HAUS6: variants seen among roughly 807,000 people sequenced by gnomAD.
HAUS6 encodes the protein HAUS augmin like complex subunit 6.
Under a neutral mutation model 106.8 loss-of-function variants are expected in HAUS6, and 80 were observed. That is an observed-to-expected ratio of 0.75 (90% CI 0.63 to 0.90). The LOEUF (loss-of-function observed/expected upper bound fraction) is 0.90. Ranked by LOEUF, HAUS6 falls within the 40% of genes least tolerant of loss-of-function variation. HAUS6 has a pLI of 0.00. For synonymous variants in HAUS6, 356 were observed against 379.1 expected (o/e 0.94, Z 0.71); for missense variants, 1,155 against 1,118.1 (o/e 1.03, Z -0.47).
At chr9:19,066,209 T>G (rs1836757859) in intron 12 of HAUS6, among the ~76,000 whole-genome samples, 1 of 152,030 alleles carries the variant, frequency 6.6e-6, no homozygotes, top group Non-Finnish European at 1.5e-5. Context: ...GTGCTGGGAT[T>G]ACAGGCATGA....
At chr9:19,061,119 G>A (rs1836607721) in intron 14 of HAUS6, among the ~76,000 whole-genome samples, 1 of 152,192 alleles carries the variant, frequency 6.6e-6, no homozygotes, top group African/African-American at 2.4e-5. Context: ...AGCCAAGATC[G>A]TGCCATTGCA....
rs528514229 is a variant in HAUS6, at chr9:19,056,350, G to A, written c.2861C>T (p.Thr954Ile). 1.3e-5 allele frequency: 19 copies of A among 1,461,198 alleles called. No individual in the cohort carries two copies. In the East Asian group the frequency reaches 3.2e-4, roughly 24 times the overall value. The allele number at this position is 1,461,198 out of a possible 1,614,324, so 90.5% of individuals were successfully genotyped here. Reference sequence around the variant, plus strand: ...TATTAAATGGGTACGTCTTCATCTTGTCAAGTCAGACGGTGGTTCTTTTGC... The same window carrying A: ...TATTAAATGGGTACGTCTTCATCTTATCAAGTCAGACGGTGGTTCTTTTGC... Reference protein sequence around the residue: ...LDAKEPPSDLTR With the variant: ...LDAKEPPSDLIR The change falls in exon 17 of 17, where the codon ACA becomes ATA. Residue 954 changes from threonine to isoleucine, a missense_variant. Thr to Ile is a moderately conservative substitution (Grantham distance 89, BLOSUM62 -1). This residue lies in a region of HAUS6 where 380 missense variants were observed against 394.8 expected (regional missense o/e 0.96). Coordinates refer to ENST00000380502, the MANE Select transcript of HAUS6 (RefSeq NM_017645.5).
Position 19,058,296 on chromosome 9 carries a change from G to A in HAUS6, c.2471C>T (p.Pro824Leu). The A allele has an allele frequency of 1.2e-6, 2 of 1,612,924 alleles. No homozygotes were observed. The highest frequency in any genetic ancestry group is 1.7e-6 in the Non-Finnish European group (2 of 1,178,994). Residue 824 changes from proline (P) to leucine (L), a missense_variant, in exon 16 of 17, where the codon CCA (proline) becomes CTA (leucine). Physicochemically the swap from Pro to Leu is moderately conservative, Grantham distance 98. Around this residue, in one of 3 missense-constraint regions of HAUS6, gnomAD observed 380 missense variants for 394.8 expected, o/e 0.96. Coordinates refer to ENST00000380502, the MANE Select transcript of HAUS6 (RefSeq NM_017645.5). The part of the protein sequence containing the change: ...EDVVGGRQTT[P>L]ESDFNLQALR... ...AGCCTGTAAATTAAAGTCTGATTCTGGAGTAGTCTGTCTCCCTCCCACAAC... is the reference window on the plus strand; with the variant it reads ...AGCCTGTAAATTAAAGTCTGATTCTAGAGTAGTCTGTCTCCCTCCCACAAC...
intron 7 of HAUS6, among the ~76,000 whole-genome samples, chr9:19,086,360 C>A (rs1468360114): frequency 6.6e-6 from 1 of 151,720 alleles, no homozygotes; most frequent in African/African-American, 2.4e-5. Context: ...GTGGCTCATG[C>A]CTGTAATCCC....
rs1836512856 is a variant in HAUS6 at position 19,058,033 on chromosome 9, T to TA, written c.2733dup (p.Lys912Ter). On this transcript the variant is annotated frameshift_variant, in exon 16 of 17. Coordinates refer to ENST00000380502, the MANE Select transcript of HAUS6 (RefSeq NM_017645.5). LOFTEE classifies it high-confidence loss of function. Reference sequence around the variant, plus strand: ...AATCTTTGTTCCACTGGAGAAAACTTAATTAGTGGTGAAAGAGACCGTTTT... The same window carrying TA: ...AATCTTTGTTCCACTGGAGAAAACTTAAATTAGTGGTGAAAGAGACCGTTTT... The TA allele has an allele frequency of 6.2e-7, 1 of 1,611,918 alleles. No individual in the cohort carries two copies. Among genetic ancestry groups the TA allele is most frequent in the Non-Finnish European group, 8.5e-7 (1 of 1,178,078 alleles).
intron 8 of HAUS6, 66 bp downstream of exon 8, chr9:19,082,807 T>G (rs1338160790): frequency 1.2e-6 from 1 of 816,608 alleles, no homozygotes; most frequent in African/African-American, 1.8e-5. Context: ...AGAAGAACAT[T>G]GCAAGAAAAT....
At chr9:19,093,336 C>A in intron 3 of HAUS6, 33 bp from the exon 4 acceptor site, 1 of 1,557,502 alleles carries the variant, frequency 6.4e-7, no homozygotes, top group Non-Finnish European at 8.8e-7. Context: ...GATTTGAAGA[C>A]CTTGTTAACA....
chr9:19,097,030 G>A (rs192267192), intron 1 of HAUS6, among the ~76,000 whole-genome samples: 5 of 152,204 alleles, frequency 3.3e-5, no homozygotes, highest in African/African-American at 1.2e-4. Context: ...AGAAAAGGAA[G>A]GAAAACCTAT....
At chr9:19,061,176 A>G (rs1403227788) in intron 14 of HAUS6, among the ~76,000 whole-genome samples, 3 of 152,232 alleles carry the variant, frequency 2.0e-5, no homozygotes, top group East Asian at 3.8e-4. Flanking sequence ...AAAAAATAAC[A>G]TAAATAAAAT....
chr9:19,058,951 T>C lies in HAUS6; in HGVS notation c.1816A>G (p.Arg606Gly), dbSNP rs772403313. The change falls in exon 16 of 17, where the codon AGA becomes GGA. Residue 606 changes from arginine to glycine, a missense_variant. Arg to Gly is a moderately radical substitution (Grantham distance 125). Around this residue, in one of 3 missense-constraint regions of HAUS6, gnomAD observed 14 missense variants for 33.2 expected, o/e 0.42. Transcript: ENST00000380502. ...TCCATTTGAATTGGTTCTTTAGTTCTGTTTTCTTCCATTTCAATAGCTTTT... is the reference window on the plus strand; with the variant it reads ...TCCATTTGAATTGGTTCTTTAGTTCCGTTTTCTTCCATTTCAATAGCTTTT... ...WRKAIEMEENRTKEPIQMDAE... is the reference protein window; with the variant it reads ...WRKAIEMEENGTKEPIQMDAE... The C allele has an allele frequency of 1.2e-6, 2 of 1,604,818 alleles. No individual in the cohort carries two copies. The highest frequency in any genetic ancestry group is 1.7e-5 in the Admixed American group (1 of 59,820).
chr9:19,099,325 C>T (rs1480484798), intron 1 of HAUS6, among the ~76,000 whole-genome samples: 2 of 151,910 alleles, frequency 1.3e-5, no homozygotes, highest in Non-Finnish European at 2.9e-5. Context: ...CGCCAACACG[C>T]CCGGCTAATT....
At chr9:19,059,097 G>A (rs917207235) in intron 15 of HAUS6, 96 bp from the exon 16 acceptor site, 1 of 685,924 alleles carries the variant, frequency 1.5e-6, no homozygotes, top group South Asian at 1.9e-5. Context: ...TAAAGCTCCT[G>A]ACTCAGTACA....
chr9:19,061,483 G>C (rs533837443), intron 14 of HAUS6, among the ~76,000 whole-genome samples: 1 of 152,058 alleles, frequency 6.6e-6, no homozygotes, highest in Non-Finnish European at 1.5e-5. Context: ...TAGAACTTTA[G>C]AGATTTAAAA....
intron 3 of HAUS6, 79 bp from the exon 4 acceptor site, chr9:19,093,382 A>ACAAAAAT: frequency 1.6e-6 from 2 of 1,283,288 alleles, no homozygotes; most frequent in Non-Finnish European, 2.2e-6. Flanking sequence ...ATTTTTGTTA[A>ACAAAAAT]AGGGTGTGAC....
intron 7 of HAUS6, among the ~76,000 whole-genome samples, chr9:19,084,453 C>G (rs1182593849): frequency 6.6e-6 from 1 of 151,990 alleles, no homozygotes; most frequent in Non-Finnish European, 1.5e-5. Context: ...GACTTGTTCA[C>G]TTTGTGAAAA....
chr9:19,082,314 C>T (rs1323594278), intron 8 of HAUS6, among the ~76,000 whole-genome samples: 1 of 152,202 alleles, frequency 6.6e-6, no homozygotes, highest in East Asian at 1.9e-4. Context: ...ACAGTATCAT[C>T]TTCCTACTAA....
At position 19,058,337 on chromosome 9, in the gene HAUS6, G is replaced by A. The variant is rs1278111197; in HGVS notation, c.2430C>T (p.Gly810=). The change falls in exon 16 of 17, where the codon GGC becomes GGT. Residue 810 remains glycine, a synonymous_variant. Transcript: ENST00000380502. Reference sequence around the variant, plus strand: ...CTCCCACAACATCTTCTAGAAGAGTGCCACCATGCATAGGACTATTTGGCT... The same window carrying A: ...CTCCCACAACATCTTCTAGAAGAGTACCACCATGCATAGGACTATTTGGCT... ...KLEPNSPMHG[G]TLLEDVVGGR... 5.0e-6 allele frequency: 8 copies of A among 1,613,662 alleles called. No individual in the cohort carries two copies. The highest frequency in any genetic ancestry group is 2.7e-5 in the African/African-American group (2 of 74,892).
rs1008208267 is a variant in HAUS6 at position 19,062,838 on chromosome 9, T to A, written c.1629+170A>T. On this transcript the variant is annotated intron_variant, in intron 14 of 16. Transcript: ENST00000380502. Reference sequence around the variant, plus strand: ...ACGCCCCCATGCTCAACTGTTTTTTTAATTTTTTTGTAGAGATGGGTTTCG... The same window carrying A: ...ACGCCCCCATGCTCAACTGTTTTTTAAATTTTTTTGTAGAGATGGGTTTCG... Among the ~76,000 whole-genome samples the A allele has an allele frequency of 2.6e-5, 4 of 152,166 alleles. No homozygotes were observed. The East Asian group carries it at 5.8e-4, about 22-fold the overall frequency.
Position 19,058,763 on chromosome 9 carries a change from T to C in HAUS6, c.2004A>G (p.Lys668=). Residue 668 remains lysine, a synonymous_variant, in exon 16 of 17, where the codon AAA becomes AAG. Transcript: ENST00000380502. ...CATCTATGTGACTGGTCAGCACATG[T>C]TTCTGAGGCACACACTCGCAATCTG... The part of the protein sequence containing the change: ...VISDCECVPQ[K]HVLTSHIDEP... 1 of 1,614,224 alleles carries C rather than the reference T, an allele frequency of 6.2e-7. No homozygotes were observed. Among genetic ancestry groups the C allele is most frequent in the Non-Finnish European group, 8.5e-7 (1 of 1,180,034 alleles).
Sources: gnomAD v4.1 joint callset for allele counts (sites outside exome capture counted in the v4.1 genomes callset) on GRCh38, gnomAD v4.1.1 for gene constraint, gnomAD v4.1.1 regional missense constraint, MANE v1.5 for transcripts, NCBI Gene and HGNC (gene_info 2026-07-23, HGNC 2026-07-21) for gene names.